The following BMP6 variants were observed in gnomAD, a reference collection of about 807,000 sequenced individuals.
BMP6 encodes bone morphogenetic protein 6, also known as VG-1-R.
Under a neutral mutation model 54.1 loss-of-function variants are expected in BMP6, and 17 were observed. The observed-to-expected ratio is 0.31, with a 90% confidence interval of 0.22 to 0.47. The LOEUF (loss-of-function observed/expected upper bound fraction) is 0.47, where lower values mean the gene tolerates loss of function less well. Among genes scored for constraint, BMP6 ranks in the 20% least tolerant of loss-of-function variants. The pLI is 1.00. For synonymous variants in BMP6, 328 were observed against 291.2 expected (o/e 1.13, Z -1.28); for missense variants, 720 against 690.4 (o/e 1.04, Z -0.48).
intron 4 of BMP6, among the ~76,000 whole-genome samples, chr6:7,878,026 A>C (rs1759649299): frequency 6.6e-6 from 1 of 152,052 alleles, no homozygotes; most frequent in Non-Finnish European, 1.5e-5. Context: ...TCATTTCTCC[A>C]GCTTTATCTC....
chr6:7,746,452 C>G (rs1757348587), intron 1 of BMP6, among the ~76,000 whole-genome samples: 1 of 152,140 alleles, frequency 6.6e-6, no homozygotes, highest in Non-Finnish European at 1.5e-5. Flanking sequence ...CATCCCCCCT[C>G]CCGTTTAATC....
chr6:7,765,601 A>C (rs572323535), intron 1 of BMP6, among the ~76,000 whole-genome samples: 2 of 152,216 alleles, frequency 1.3e-5, no homozygotes, highest in African/African-American at 4.8e-5. Context: ...CTGCTTCTCT[A>C]TCACTAATTG....
chr6:7,866,217 C>G (rs1051967858), intron 4 of BMP6, among the ~76,000 whole-genome samples: 6 of 152,234 alleles, frequency 3.9e-5, no homozygotes, highest in African/African-American at 1.4e-4. Flanking sequence ...GCTTGGATAG[C>G]CTCTGCATGG....
chr6:7,805,211 G>C (rs1203663745), intron 1 of BMP6, among the ~76,000 whole-genome samples: 1 of 152,176 alleles, frequency 6.6e-6, no homozygotes, highest in Admixed American at 6.5e-5. Context: ...CCGTGTAAAA[G>C]AGCTCTGTTG....
chr6:7,834,323 G>A (rs532559137), intron 1 of BMP6, among the ~76,000 whole-genome samples: 108 of 39,584 alleles, frequency 2.7e-3, no homozygotes, highest in African/African-American at 0.012. Context: ...TATCATCAGA[G>A]TGAATCATCA....
rs770741785 is a variant in BMP6, at chr6:7,872,904, C to T, written c.1205-6170C>T. Reference sequence around the variant, plus strand: ...CAGGGCTCATTGCAGCTTCAATCTCCAGGGATCAAGCAGTCCTCCCACCTT... The same window carrying T: ...CAGGGCTCATTGCAGCTTCAATCTCTAGGGATCAAGCAGTCCTCCCACCTT... On this transcript the variant is annotated intron_variant, in intron 4 of 6. Transcript: ENST00000283147. Among the ~76,000 whole-genome samples the T allele has an allele frequency of 1.5e-4, 22 of 151,220 alleles. 1 individual carries two copies. The highest frequency in any genetic ancestry group is 4.4e-5 in the Non-Finnish European group (3 of 67,938).
intron 1 of BMP6, among the ~76,000 whole-genome samples, chr6:7,792,015 TGGATGGA>T (rs1758116384): frequency 6.6e-6 from 1 of 150,714 alleles, no homozygotes; most frequent in Admixed American, 6.6e-5. Flanking sequence ...GATGGATGGA[TGGATGGA>T]TGGATGGATG....
chr6:7,865,691 A>G (rs1759410477), intron 4 of BMP6, among the ~76,000 whole-genome samples: 1 of 152,132 alleles, frequency 6.6e-6, no homozygotes, highest in Admixed American at 6.6e-5. Flanking sequence ...ACAGTAACAG[A>G]AAAGTGGTGT....
chr6:7,848,755 G>A lies in BMP6; in HGVS notation c.857+3423G>A, dbSNP rs6924908. Among the ~76,000 whole-genome samples the A allele has an allele frequency of 4.3e-3, 650 of 152,202 alleles. 4 individuals are homozygous for A. Among genetic ancestry groups the A allele is most frequent in the African/African-American group, 0.015 (609 of 41,518 alleles). ...CTTGAGTAACACATGATGCCTTTGC[G>A]CTTTATTTATTTTTAGAAGTTTACT... On this transcript the variant is annotated intron_variant, in intron 2 of 6. Coordinates refer to ENST00000283147, the MANE Select transcript of BMP6 (RefSeq NM_001718.6).
At chr6:7,812,641 T>C (rs1353656858) in intron 1 of BMP6, among the ~76,000 whole-genome samples, 1 of 152,048 alleles carries the variant, frequency 6.6e-6, no homozygotes, top group Non-Finnish European at 1.5e-5. Context: ...TGATAGACAA[T>C]AAATATGGCA....
At chr6:7,817,252 A>C (rs1280356434) in intron 1 of BMP6, among the ~76,000 whole-genome samples, 1 of 152,204 alleles carries the variant, frequency 6.6e-6, no homozygotes, top group East Asian at 1.9e-4. Context: ...TCTATCAACT[A>C]AACAACACTG....
At chr6:7,727,807 C>A (rs1407621753) in intron 1 of BMP6, among the ~76,000 whole-genome samples, 188 bp downstream of exon 1, 17 of 151,362 alleles carry the variant, frequency 1.1e-4, no homozygotes, top group Admixed American at 1.1e-3. Context: ...TGCGCTCCCC[C>A]GCGCCGCGGG....
At chr6:7,871,815 G>C (rs552229442) in intron 4 of BMP6, among the ~76,000 whole-genome samples, 2 of 152,322 alleles carry the variant, frequency 1.3e-5, no homozygotes, top group East Asian at 3.9e-4. Flanking sequence ...CTCTTGTCTA[G>C]AGGGCAGCAG....
chr6:7,778,839 T>C (rs1297389527), intron 1 of BMP6, among the ~76,000 whole-genome samples: 1 of 152,220 alleles, frequency 6.6e-6, no homozygotes, highest in East Asian at 1.9e-4. Flanking sequence ...CGGAGGGCAC[T>C]GTCTATCATT....
intron 5 of BMP6, among the ~76,000 whole-genome samples, chr6:7,879,371 C>T (rs1232391433): frequency 6.6e-6 from 1 of 152,184 alleles, no homozygotes; most frequent in African/African-American, 2.4e-5. Context: ...CCTAGGGTGC[C>T]TGAGCTCTGT....
chr6:7,820,919 G>T (rs1209120991), intron 1 of BMP6, among the ~76,000 whole-genome samples: 5 of 152,230 alleles, frequency 3.3e-5, no homozygotes, highest in African/African-American at 1.2e-4. Context: ...TCACAATAGG[G>T]TTTGTGCTCC....
intron 1 of BMP6, among the ~76,000 whole-genome samples, chr6:7,733,502 C>A (rs1349207823): frequency 6.6e-6 from 1 of 152,144 alleles, no homozygotes; most frequent in Non-Finnish European, 1.5e-5. Flanking sequence ...CATTAACCAT[C>A]CTGTCCCCCC....
chr6:7,780,915 T>C (rs1237583589), intron 1 of BMP6, among the ~76,000 whole-genome samples: 2 of 152,132 alleles, frequency 1.3e-5, no homozygotes, highest in African/African-American at 2.4e-5. Flanking sequence ...TTCAACATGT[T>C]GCCCAGGCTG....
At chr6:7,779,485 C>T (rs1757908727) in intron 1 of BMP6, among the ~76,000 whole-genome samples, 1 of 151,842 alleles carries the variant, frequency 6.6e-6, no homozygotes, top group Non-Finnish European at 1.5e-5. Context: ...ATTACAGGCG[C>T]CCACCACCAC....
Sources: gnomAD v4.1 joint callset for allele counts (sites outside exome capture counted in the v4.1 genomes callset) on GRCh38, gnomAD v4.1.1 for gene constraint, MANE v1.5 for transcripts, NCBI Gene and HGNC (gene_info 2026-07-23, HGNC 2026-07-21) for gene names.